Variants in DZIP1L observed in about 807,000 individuals in gnomAD.
DZIP1L encodes the protein cilium assembly protein DZIP1L.
Under a neutral mutation model 88.7 loss-of-function variants are expected in DZIP1L, and 90 were observed. That is an observed-to-expected ratio of 1.02 (90% CI 0.86 to 1.21). The LOEUF (loss-of-function observed/expected upper bound fraction) is 1.21. DZIP1L is among the 50% of genes most tolerant of loss of function. DZIP1L has a pLI of 0.00. For missense variants in DZIP1L, 932 were observed against 955.8 expected (o/e 0.98, Z 0.33); for synonymous variants, 363 against 372.1 (o/e 0.98, Z 0.28).
chr3:138,106,353 T>C (rs1365072387), intron 1 of DZIP1L, among the ~76,000 whole-genome samples: 1 of 150,668 alleles, frequency 6.6e-6, no homozygotes, highest in Non-Finnish European at 1.5e-5. Flanking sequence ...TTGGCCACAC[T>C]GGTCTCAAAC....
At chr3:138,087,431 A>T (rs1943997205) in intron 6 of DZIP1L, among the ~76,000 whole-genome samples, 1 of 152,244 alleles carries the variant, frequency 6.6e-6, no homozygotes, top group South Asian at 2.1e-4. Flanking sequence ...TGACTACATA[A>T]ACATTAATTC....
chr3:138,093,744 T>C (rs1944344083), intron 4 of DZIP1L, among the ~76,000 whole-genome samples: 1 of 152,226 alleles, frequency 6.6e-6, no homozygotes, highest in African/African-American at 2.4e-5. Flanking sequence ...CTCTTTTAGC[T>C]TTCAACTGTT....
chr3:138,105,491 T>C (rs2042455553), intron 1 of DZIP1L, among the ~76,000 whole-genome samples: 1 of 152,126 alleles, frequency 6.6e-6, no homozygotes, highest in African/African-American at 2.4e-5. Flanking sequence ...AGTATTTGCA[T>C]ATAACCTATA....
chr3:138,079,844 G>A lies in DZIP1L; in HGVS notation c.1288+723C>T, dbSNP rs868519176. 3.3e-5 allele frequency among the ~76,000 whole-genome samples: 5 copies of A among 152,274 alleles called. No individual in the cohort carries two copies. The South Asian group carries it at 6.2e-4, about 19-fold the overall frequency. On this transcript the variant is annotated intron_variant, in intron 10 of 15. Coordinates refer to ENST00000327532, the MANE Select transcript of DZIP1L (RefSeq NM_173543.3). ...AACTTGTCTGGGTGTGTCCATTGGGGAACTCTGAAATTGTCATATCATTGC... is the reference window on the plus strand; with the variant it reads ...AACTTGTCTGGGTGTGTCCATTGGGAAACTCTGAAATTGTCATATCATTGC...
chr3:138,070,324 G>A (rs182584329), intron 12 of DZIP1L, among the ~76,000 whole-genome samples: 12 of 152,292 alleles, frequency 7.9e-5, no homozygotes, highest in South Asian at 2.1e-4. Context: ...AAGGATATAC[G>A]TTTAAATTGG....
In DZIP1L at chr3:138,094,852, C is replaced by G; in HGVS notation, c.708+10G>C. 6.2e-7 allele frequency: 1 copy of G among 1,614,116 alleles called. No individual in the cohort carries two copies. Among genetic ancestry groups the G allele is most frequent in the Non-Finnish European group, 8.5e-7 (1 of 1,179,972 alleles). ...CCCAAGTCTCCCTGATGTTTTCTCT[C>G]CCTGCCCACCTGGAGCTGCCGCTGC... On this transcript the variant is annotated intron_variant, in intron 4 of 15. Transcript: ENST00000327532.
chr3:138,103,784 G>T lies in DZIP1L; in HGVS notation c.188C>A (p.Thr63Asn). 2 of 1,614,142 alleles carry T rather than the reference G, an allele frequency of 1.2e-6. No individual in the cohort carries two copies. The highest frequency in any genetic ancestry group is 1.7e-6 in the Non-Finnish European group (2 of 1,180,054). ...CACCTCCCGGTCCAAGTTGCAGAAGGTGATGCCAGCAATATTCTCCTGCAG... is the reference window on the plus strand; with the variant it reads ...CACCTCCCGGTCCAAGTTGCAGAAGTTGATGCCAGCAATATTCTCCTGCAG... ...ATLQENIAGI[T>N]FCNLDREVCS... Residue 63 changes from threonine to asparagine, a missense_variant, in exon 2 of 16, where the codon ACC becomes AAC. Transcript: ENST00000327532.
chr3:138,112,568 A>G (rs969157022), intron 1 of DZIP1L: 1 of 152,212 alleles, frequency 6.6e-6, no homozygotes, highest in African/African-American at 2.4e-5. Context: ...CATACACCCC[A>G]GGGGCAAGGA....
intron 6 of DZIP1L, 135 bp downstream of exon 6, chr3:138,088,244 G>A: frequency 8.0e-7 from 1 of 1,249,196 alleles, no homozygotes; most frequent in Non-Finnish European, 1.1e-6. Flanking sequence ...ATGCTTTCAT[G>A]TACTGGCAGA....
intron 14 of DZIP1L, 75 bp from the exon 15 acceptor site, chr3:138,064,842 C>T: frequency 6.6e-7 from 1 of 1,524,224 alleles, no homozygotes; most frequent in Admixed American, 2.2e-5. Flanking sequence ...GGCTCATGTC[C>T]AGGCTCCAGT....
chr3:138,073,994 C>A (rs1943289777), intron 11 of DZIP1L, among the ~76,000 whole-genome samples: 2 of 152,058 alleles, frequency 1.3e-5, no homozygotes, highest in Non-Finnish European at 2.9e-5. Context: ...TTCGAATTAA[C>A]ACAATCCATA....
intron 1 of DZIP1L, among the ~76,000 whole-genome samples, chr3:138,109,149 A>G (rs1041783870): frequency 5.9e-5 from 9 of 152,228 alleles, no homozygotes; most frequent in African/African-American, 2.2e-4. Flanking sequence ...AACTGCTTCC[A>G]AAAGTACCTC....
Position 138,068,830 on chromosome 3 carries a change from G to C in DZIP1L, c.1616-463C>G, listed in dbSNP as rs548545487. On this transcript the variant is annotated intron_variant, in intron 12 of 15. Coordinates refer to ENST00000327532, the MANE Select transcript of DZIP1L (RefSeq NM_173543.3). ...AACCTCCTCCCAAATGCAGTCTGGG[G>C]CAAGGCAGTACCAAGGCAGGCAATT... Among the ~76,000 whole-genome samples, 4 of 152,300 alleles carry C rather than the reference G, an allele frequency of 2.6e-5. No individual in the cohort carries two copies. In the South Asian group the frequency reaches 8.3e-4, roughly 32 times the overall value.
Position 138,103,830 on chromosome 3 carries a change from G to T in DZIP1L, c.142C>A (p.Arg48=), listed in dbSNP as rs374088265. Residue 48 remains arginine, a synonymous_variant, in exon 2 of 16, where the codon CGG becomes AGG. Transcript: ENST00000327532. ...ISTLDVDRVA[R]ELDVATLQEN... ...TGCAGAGTGGCCACATCCAGTTCCC[G>T]GGCCACGCGGTCTACATCCAGGGTG... is the stretch of plus-strand genomic sequence containing the variant. 6.2e-7 allele frequency: 1 copy of T among 1,614,052 alleles called. No individual in the cohort carries two copies. Among genetic ancestry groups the T allele is most frequent in the East Asian group, 2.2e-5 (1 of 44,900 alleles).
intron 5 of DZIP1L, among the ~76,000 whole-genome samples, chr3:138,091,010 A>G (rs1456608431): frequency 1.3e-5 from 2 of 151,606 alleles, no homozygotes; most frequent in Admixed American, 1.3e-4. Context: ...CAGCCTCCCA[A>G]GCAGCTGGGA....
intron 1 of DZIP1L, among the ~76,000 whole-genome samples, chr3:138,110,842 AAGAGAGGAAACAG>A (rs1305471996): frequency 2.6e-5 from 4 of 152,256 alleles, no homozygotes; most frequent in Non-Finnish European, 5.9e-5. Context: ...AGTGTGATCA[AAGAGAGGAAACAG>A]AGAGAGGAAA....
chr3:138,082,100 C>T (rs1287301224), intron 8 of DZIP1L, among the ~76,000 whole-genome samples: 1 of 152,214 alleles, frequency 6.6e-6, no homozygotes, highest in African/African-American at 2.4e-5. Context: ...TCATGGAAAA[C>T]AGCCAGGGCA....
chr3:138,080,477 G>C, intron 10 of DZIP1L, 90 bp downstream of exon 10: 2 of 1,429,974 alleles, frequency 1.4e-6, no homozygotes, highest in Non-Finnish European at 2.0e-6. Context: ...CGGATGTCCA[G>C]ATACAGTTAA....
At chr3:138,070,217 G>A (rs1208124705) in intron 12 of DZIP1L, among the ~76,000 whole-genome samples, 2 of 152,178 alleles carry the variant, frequency 1.3e-5, no homozygotes, top group African/African-American at 2.4e-5. Flanking sequence ...TTTCCCAGGT[G>A]AGGTGGAAGG....
Sources: gnomAD v4.1 joint callset for allele counts (sites outside exome capture counted in the v4.1 genomes callset) on GRCh38, gnomAD v4.1.1 for gene constraint, MANE v1.5 for transcripts, NCBI Gene and HGNC (gene_info 2026-07-23, HGNC 2026-07-21) for gene names.